Variants in CDH22 observed in about 807,000 individuals in gnomAD.
The protein encoded by CDH22 is cadherin-22.
In CDH22, 30 loss-of-function variants were observed where a neutral mutation model predicts 58.4. The observed-to-expected ratio is 0.51, with a 90% CI of 0.38 to 0.70. The LOEUF (loss-of-function observed/expected upper bound fraction) is 0.70, where lower values mean the gene tolerates loss of function less well. Ranked by LOEUF, CDH22 falls within the 30% of genes least tolerant of loss-of-function variation. The probability of loss-of-function intolerance (pLI) is 0.00; values close to 1 mark genes in which losing one functional copy is unlikely to be tolerated. For missense variants in CDH22, 1,014 were observed against 1,233.9 expected (o/e 0.82, Z 2.67); for synonymous variants, 513 against 558.2 (o/e 0.92, Z 1.14).
chr20:46,216,710 G>A lies in CDH22; in HGVS notation c.838+116C>T. On this transcript the variant is annotated intron_variant, in intron 5 of 11. Transcript: ENST00000537909. The surrounding 1 kb of genome is among the most constrained non-coding windows in gnomAD (Gnocchi z 5.3). Reference sequence around the variant, plus strand: ...GGACAGACAGACAGACAGAAAGAGAGGGGGAAGCCCTTCTTTTGGTGGGAA... The same window carrying A: ...GGACAGACAGACAGACAGAAAGAGAAGGGGAAGCCCTTCTTTTGGTGGGAA... 1.0e-6 allele frequency: 1 copy of A among 981,532 alleles called. No individual in the cohort carries two copies. 60.8% of individuals were successfully genotyped at this position (981,532 alleles called of 1,614,324 possible).
At chr20:46,285,588 A>G (rs956323108) in intron 1 of CDH22, among the ~76,000 whole-genome samples, 1 of 152,226 alleles carries the variant, frequency 6.6e-6, no homozygotes, top group Non-Finnish European at 1.5e-5. Flanking sequence ...AGTAGTGCTG[A>G]TGTTAAGAAA....
At chr20:46,269,261 C>T (rs988950261) in intron 1 of CDH22, among the ~76,000 whole-genome samples, 1 of 152,170 alleles carries the variant, frequency 6.6e-6, no homozygotes, top group African/African-American at 2.4e-5. Flanking sequence ...ATTACCAGCC[C>T]TGTCTCCATT....
intron 1 of CDH22, among the ~76,000 whole-genome samples, chr20:46,299,813 A>G (rs1353522487): frequency 6.6e-6 from 1 of 152,186 alleles, no homozygotes; most frequent in Non-Finnish European, 1.5e-5. Flanking sequence ...AGTAAGTGGC[A>G]GGGCAAAGAT....
chr20:46,213,112 G>A lies in CDH22; in HGVS notation c.915C>T (p.Asp305=), dbSNP rs150940098. The change falls in exon 6 of 12, where the codon GAC becomes GAT. Residue 305 remains aspartate, a synonymous_variant. Transcript: ENST00000537909. ...AAGTCATGTCTGTGTTCTCTCCCAC[G>A]TCTGAGTCCTCAGCCTTCACACGTC... ...AVGRVKAEDS[D]VGENTDMTYH... 1.5e-5 allele frequency: 25 copies of A among 1,614,116 alleles called. No homozygotes were observed. Among genetic ancestry groups the A allele is most frequent in the East Asian group, 8.9e-5 (4 of 44,880 alleles).
At chr20:46,290,426 C>T (rs1438974231) in intron 1 of CDH22, among the ~76,000 whole-genome samples, 4 of 152,276 alleles carry the variant, frequency 2.6e-5, no homozygotes, top group Non-Finnish European at 4.4e-5. Flanking sequence ...GACAGCCCTC[C>T]ACGACAAAGA....
At chr20:46,196,976 A>G (rs2145666900) in intron 8 of CDH22, among the ~76,000 whole-genome samples, 1 of 152,254 alleles carries the variant, frequency 6.6e-6, no homozygotes, top group African/African-American at 2.4e-5. Flanking sequence ...ATCACAGCTC[A>G]GAGAAGGGGG....
chr20:46,254,554 C>CA (rs1257630029), intron 1 of CDH22, among the ~76,000 whole-genome samples: 7,354 of 63,524 alleles, frequency 0.12, 282 homozygotes, highest in South Asian at 0.19. Flanking sequence ...AATTCCATCT[C>CA]AAAAAAAAAA....
At chr20:46,274,082 A>G (rs2086505435) in intron 1 of CDH22, among the ~76,000 whole-genome samples, 1 of 152,234 alleles carries the variant, frequency 6.6e-6, no homozygotes, top group South Asian at 2.1e-4. Context: ...TCCTAGTTTC[A>G]AAGGAATTTT....
intron 8 of CDH22, among the ~76,000 whole-genome samples, chr20:46,194,746 T>C (rs1346657096): frequency 6.6e-6 from 1 of 152,210 alleles, no homozygotes; most frequent in Non-Finnish European, 1.5e-5. Context: ...TAATTATTTT[T>C]TGAGATGGAG....
intron 1 of CDH22, among the ~76,000 whole-genome samples, chr20:46,267,769 C>T (rs951151068): frequency 3.9e-5 from 6 of 152,286 alleles, no homozygotes; most frequent in African/African-American, 1.4e-4. Context: ...TACTCCAATG[C>T]TACTTATAAA....
chr20:46,213,260 G>A, intron 5 of CDH22, 72 bp from the exon 6 acceptor site: 1 of 1,120,848 alleles, frequency 8.9e-7, no homozygotes, highest in Admixed American at 1.8e-5. Flanking sequence ...GTGGGGGAGG[G>A]GACAAGGGGG....
intron 1 of CDH22, among the ~76,000 whole-genome samples, chr20:46,256,364 G>C (rs2145743164): frequency 6.6e-6 from 1 of 152,242 alleles, no homozygotes; most frequent in South Asian, 2.1e-4. Context: ...ATTTAAACAG[G>C]GTAGCCAGGG....
chr20:46,289,311 C>T (rs931361935), intron 1 of CDH22, among the ~76,000 whole-genome samples: 5 of 152,216 alleles, frequency 3.3e-5, no homozygotes, highest in African/African-American at 1.2e-4. Flanking sequence ...ATCCCCTCAT[C>T]CTGCTTTCTT....
At chr20:46,261,157 G>A (rs975811848) in intron 1 of CDH22, among the ~76,000 whole-genome samples, 2 of 152,174 alleles carry the variant, frequency 1.3e-5, no homozygotes, top group Non-Finnish European at 1.5e-5. Context: ...GGGGATAATA[G>A]TATTTACCTC....
chr20:46,174,233 A>C lies in CDH22; in HGVS notation c.*273T>G. ...TTCCCGACTCTGCAACGCCACCCCCATCTCCCATTCTAACCCCAGAGCCAC... is the reference window on the plus strand; with the variant it reads ...TTCCCGACTCTGCAACGCCACCCCCCTCTCCCATTCTAACCCCAGAGCCAC... On this transcript the variant is annotated 3_prime_UTR_variant, in exon 12 of 12. Transcript: ENST00000537909. The surrounding 1 kb of genome is among the most constrained non-coding windows in gnomAD (Gnocchi z 4.4). 1 of 449,978 alleles carries C rather than the reference A, an allele frequency of 2.2e-6. No homozygotes were observed. Among genetic ancestry groups the C allele is most frequent in the Non-Finnish European group, 3.9e-6 (1 of 257,926 alleles). The allele number at this position is 449,978 out of a possible 1,614,324, so 27.9% of individuals were successfully genotyped here.
In CDH22 at chr20:46,174,341, G is replaced by C; in HGVS notation, c.*165C>G. Reference sequence around the variant, plus strand: ...GCTCCAAAGCTGCACCCCTAGAGGAGGAGGAATGGAAGAGTCCGCTCCTAG... The same window carrying C: ...GCTCCAAAGCTGCACCCCTAGAGGACGAGGAATGGAAGAGTCCGCTCCTAG... On this transcript the variant is annotated 3_prime_UTR_variant, in exon 12 of 12. Coordinates refer to ENST00000537909, the MANE Select transcript of CDH22 (RefSeq NM_021248.3). The surrounding 1 kb of genome is among the most constrained non-coding windows in gnomAD (Gnocchi z 4.4). The C allele has an allele frequency of 1.8e-6, 1 of 544,774 alleles. No individual in the cohort carries two copies. The highest frequency in any genetic ancestry group is 3.4e-5 in the East Asian group (1 of 29,146). 33.7% of individuals were successfully genotyped at this position (544,774 alleles called of 1,614,324 possible). A position where few individuals can be genotyped will look rare whatever the true frequency, so the allele number is the denominator to read the frequency against.
chr20:46,248,921 C>A (rs1035306885), intron 2 of CDH22, among the ~76,000 whole-genome samples: 3 of 152,184 alleles, frequency 2.0e-5, no homozygotes, highest in Non-Finnish European at 4.4e-5. Flanking sequence ...CCCTCTGTTA[C>A]TTTGGTTTCT....
Position 46,174,534 on chromosome 20 carries a change from C to T in CDH22, c.2459G>A (p.Arg820His). Residue 820 changes from arginine to histidine, a missense_variant, in exon 12 of 12, where the codon CGC becomes CAC. By Grantham distance (29) the Arg-to-His change is conservative. Coordinates refer to ENST00000537909, the MANE Select transcript of CDH22 (RefSeq NM_021248.3). The surrounding 1 kb of genome is among the most constrained non-coding windows in gnomAD (Gnocchi z 4.4). ...GGAGGCCTGGGCCTCGTCGTCCCCG[C>T]GGTGGCCGGCGTAGAGCGCGGCCAG... Reference protein sequence around the residue: ...RPLAALYAGHRGDDEAQAS With the variant: ...RPLAALYAGHHGDDEAQAS The T allele has an allele frequency of 6.6e-7, 1 of 1,517,972 alleles. No individual in the cohort carries two copies. Among genetic ancestry groups the T allele is most frequent in the Non-Finnish European group, 8.8e-7 (1 of 1,139,244 alleles). 94.0% of individuals were successfully genotyped at this position (1,517,972 alleles called of 1,614,324 possible).
At chr20:46,240,691 G>A (rs531097296) in intron 3 of CDH22, among the ~76,000 whole-genome samples, 3 of 152,238 alleles carry the variant, frequency 2.0e-5, no homozygotes, top group South Asian at 2.1e-4. Context: ...GTGGCTGTAT[G>A]AGCATGTCCG....
Sources: gnomAD v4.1 joint callset for allele counts (sites outside exome capture counted in the v4.1 genomes callset) on GRCh38, gnomAD v4.1.1 for gene constraint, Gnocchi (gnomAD v3.1) non-coding constraint, MANE v1.5 for transcripts, NCBI Gene and HGNC (gene_info 2026-07-23, HGNC 2026-07-21) for gene names.